The following ZNF594 variants were observed in gnomAD, a reference collection of about 807,000 sequenced individuals.
The protein encoded by ZNF594 is zinc finger protein 594.
For synonymous variants in ZNF594, 336 were observed against 309.4 expected (o/e 1.09, Z -0.90); for missense variants, 1,037 against 964.6 (o/e 1.08, Z -0.99).
In ZNF594 at chr17:5,180,429, G is replaced by A. The variant is rs1173601649; in HGVS notation, c.*1404C>T. 6.5e-6 allele frequency: 1 copy of A among 154,430 alleles called. No individual in the cohort carries two copies. Among genetic ancestry groups the A allele is most frequent in the Non-Finnish European group, 1.4e-5 (1 of 69,720 alleles). The allele number at this position is 154,430 out of a possible 1,614,324, so 9.6% of individuals were successfully genotyped here. The stretch of plus-strand genomic sequence containing the variant: ...TTTAAACTTGTCACTCGACTAGGAA[G>A]TCAAGATTGAAATGGCTCTTTCCAT... On this transcript the variant is annotated 3_prime_UTR_variant, in exon 2 of 2. Transcript: ENST00000575779.
chr17:5,182,999 G>A lies in ZNF594; in HGVS notation c.1258C>T (p.Leu420=), dbSNP rs1381161862. Residue 420 remains leucine (L), a synonymous_variant, in exon 2 of 2, where the codon CTG becomes TTG. Transcript: ENST00000575779. ...CCACTGTGAATTCTATGATGTCTCA[G>A]AAGGTCTGAGCTCTGATTGAAAGTT... is the stretch of plus-strand genomic sequence containing the variant. The part of the protein sequence containing the change: ...GKTFNQSSDL[L]RHHRIHSGEK... The A allele has an allele frequency of 1.9e-6, 3 of 1,614,024 alleles. No homozygotes were observed. Among genetic ancestry groups the A allele is most frequent in the Non-Finnish European group, 1.7e-6 (2 of 1,180,004 alleles).
rs770856517 is a variant in ZNF594 at position 5,182,586 on chromosome 17, T to C, written c.1671A>G (p.Gly557=). 6 of 1,613,336 alleles carry C rather than the reference T, an allele frequency of 3.7e-6. No homozygotes were observed. The highest frequency in any genetic ancestry group is 5.1e-6 in the Non-Finnish European group (6 of 1,179,662). Residue 557 remains glycine, a synonymous_variant, in exon 2 of 2, where the codon GGA becomes GGG. Transcript: ENST00000575779. ...KTFSQDEELR[G]EQKIHQEAKA... The stretch of plus-strand genomic sequence containing the variant: ...TCGCTTCCTGGTGAATTTTCTGCTC[T>C]CCCCTAAGCTCCTCATCCTGGCTGA...
rs2074357497 is a variant in ZNF594 at position 5,182,997 on chromosome 17, CAGA to C, written c.1257_1259del (p.Leu420del). On this transcript the variant is annotated inframe_deletion, in exon 2 of 2. Transcript: ENST00000575779. ...CTCCACTGTGAATTCTATGATGTCT[CAGA>C]AGGTCTGAGCTCTGATTGAAAGTTT... 1 of 1,614,082 alleles carries C rather than the reference CAGA, an allele frequency of 6.2e-7. No individual in the cohort carries two copies.
Position 5,182,476 on chromosome 17 carries a change from T to A in ZNF594, c.1781A>T (p.Lys594Ile). 1.2e-6 allele frequency: 2 copies of A among 1,613,982 alleles called. No individual in the cohort carries two copies. The highest frequency in any genetic ancestry group is 2.2e-5 in the South Asian group (2 of 91,068). Residue 594 changes from lysine (K) to isoleucine (I), a missense_variant, in exon 2 of 2, where the codon AAA (lysine) becomes ATA (isoleucine). Coordinates refer to ENST00000575779, the MANE Select transcript of ZNF594 (RefSeq NM_032530.2). The stretch of plus-strand genomic sequence containing the variant: ...CCCACATTCTTTGCATTCATATGGT[T>A]TCTCTCTTGTATGAGTTACCTGATG... ...IRHQVTHTRE[K>I]PYECKECGKT...
chr17:5,186,419 T>C (rs1217357925), intron 1 of ZNF594, among the ~76,000 whole-genome samples: 1 of 152,220 alleles, frequency 6.6e-6, no homozygotes, highest in African/African-American at 2.4e-5. Flanking sequence ...GGACACAGCA[T>C]TGGGACCCTG....
At chr17:5,176,308 T>C (rs146496297), downstream of ZNF594, among the ~76,000 whole-genome samples, 1,103 of 149,684 alleles carry the variant, frequency 7.4e-3, 18 homozygotes, top group African/African-American at 0.025. Flanking sequence ...AGCAGGAGAA[T>C]TGCTTGAACC....
chr17:5,184,439 T>C, intron 1 of ZNF594, 163 bp from the exon 2 acceptor site: 1 of 730,096 alleles, frequency 1.4e-6, no homozygotes, highest in South Asian at 2.0e-5. Flanking sequence ...CACAGGAACC[T>C]GTGCTACCAC....
intron 1 of ZNF594, among the ~76,000 whole-genome samples, chr17:5,187,289 A>C (rs1442005791): frequency 6.6e-6 from 1 of 152,266 alleles, no homozygotes; most frequent in Non-Finnish European, 1.5e-5. Context: ...TAAAACCATC[A>C]GATCTCATGA....
chr17:5,174,124 CTTTT>C, the ZNF594 span: 2 of 200,184 alleles, frequency 1.0e-5, no homozygotes, highest in African/African-American at 4.6e-5. Flanking sequence ...TGATATTTGT[CTTTT>C]TTTAAATTTT....
At position 5,182,779 on chromosome 17, in the gene ZNF594, CA is replaced by C; in HGVS notation, c.1477del (p.Cys493ValfsTer96). ...TGAACGCCGCCTGAAGGCTTTCCCACATTCAGTGCACTGATAGGGCTTCTCT... is the reference window on the plus strand; with the variant it reads ...TGAACGCCGCCTGAAGGCTTTCCCACTTCAGTGCACTGATAGGGCTTCTCT... ...TGEKPYQCTE[C>X]GKAFRRRSLL... is the part of the protein sequence containing the mutation. On this transcript the variant is annotated frameshift_variant, in exon 2 of 2. Coordinates refer to ENST00000575779, the MANE Select transcript of ZNF594 (RefSeq NM_032530.2). LOFTEE classifies it low-confidence loss of function (END_TRUNC). 1 of 1,614,150 alleles carries C rather than the reference CA, an allele frequency of 6.2e-7. No individual in the cohort carries two copies. The highest frequency in any genetic ancestry group is 8.5e-7 in the Non-Finnish European group (1 of 1,180,014).
At position 5,188,267 on chromosome 17, in the gene ZNF594, C is replaced by CTT. The variant is rs71151844; in HGVS notation, c.-21+3479_-21+3480dup. Among the ~76,000 whole-genome samples, 104 of 134,748 alleles carry CTT rather than the reference C, an allele frequency of 7.7e-4. 1 individual carries two copies. The South Asian group carries it at 0.013, about 16-fold the overall frequency. The allele number at this position is 134,748 out of a possible 152,430, so 88.4% of individuals were successfully genotyped here. The stretch of plus-strand genomic sequence containing the variant: ...AAAAGATAGTAGATTAAAGGCTGCC[C>CTT]TTTTTTTTTTTTTTTCACAAAAAAC... On this transcript the variant is annotated intron_variant, in intron 1 of 1. Coordinates refer to ENST00000575779, the MANE Select transcript of ZNF594 (RefSeq NM_032530.2).
downstream of ZNF594, among the ~76,000 whole-genome samples, chr17:5,178,242 G>A (rs1359503092): frequency 1.3e-5 from 2 of 151,470 alleles, no homozygotes; most frequent in African/African-American, 4.8e-5. Context: ...TACCAAGTGG[G>A]ATATACTAAA....
chr17:5,181,176 T>C lies in ZNF594; in HGVS notation c.*657A>G, dbSNP rs754389514. The C allele has an allele frequency of 1.2e-6, 2 of 1,610,310 alleles. No individual in the cohort carries two copies. Among genetic ancestry groups the C allele is most frequent in the South Asian group, 2.2e-5 (2 of 91,020 alleles). On this transcript the variant is annotated 3_prime_UTR_variant, in exon 2 of 2. Transcript: ENST00000575779. ...TTTCTCTCCAGTATGAACACGATGG[T>C]GTCTAATAAGATCTGAGCTGCCCCT...
At position 5,181,097 on chromosome 17, in the gene ZNF594, G is replaced by A. The variant is rs749966438; in HGVS notation, c.*736C>T. The A allele has an allele frequency of 6.8e-7, 1 of 1,471,252 alleles. No homozygotes were observed. Among genetic ancestry groups the A allele is most frequent in the African/African-American group, 1.4e-5 (1 of 72,272 alleles). The allele number at this position is 1,471,252 out of a possible 1,614,324, so 91.1% of individuals were successfully genotyped here. ...CTCTGGTATGAATTCTTTGATGACTGACAAGGTGTGAGTTCTGACTGAAGG... is the reference window on the plus strand; with the variant it reads ...CTCTGGTATGAATTCTTTGATGACTAACAAGGTGTGAGTTCTGACTGAAGG... On this transcript the variant is annotated 3_prime_UTR_variant, in exon 2 of 2. Transcript: ENST00000575779.
At position 5,180,516 on chromosome 17, in the gene ZNF594, A is replaced by G. The variant is rs1483667101; in HGVS notation, c.*1317T>C. On this transcript the variant is annotated 3_prime_UTR_variant, in exon 2 of 2. Transcript: ENST00000575779. ...TATAATGATTTTAATAATGATAGAC[A>G]TCCCTTAAAACATTCTCAAGTAATT... The G allele has an allele frequency of 6.5e-6, 1 of 154,974 alleles. No homozygotes were observed. Among genetic ancestry groups the G allele is most frequent in the Non-Finnish European group, 1.4e-5 (1 of 69,964 alleles). 9.6% of individuals were successfully genotyped at this position (154,974 alleles called of 1,614,324 possible).
intron 1 of ZNF594, among the ~76,000 whole-genome samples, chr17:5,186,964 C>T (rs1036200790): frequency 5.9e-5 from 9 of 152,204 alleles, no homozygotes; most frequent in Non-Finnish European, 1.3e-4. Context: ...CTAGAAGTTC[C>T]AAACTTTCCC....
downstream of ZNF594, among the ~76,000 whole-genome samples, chr17:5,176,211 T>C (rs1007816848): frequency 4.0e-5 from 6 of 151,874 alleles, no homozygotes; most frequent in African/African-American, 1.2e-4. Flanking sequence ...GCCTGACCAA[T>C]ATGGAGAAAC....
In ZNF594 at chr17:5,183,524, C is replaced by A; in HGVS notation, c.733G>T (p.Gly245Trp). The change falls in exon 2 of 2, where the codon GGG (glycine) becomes TGG (tryptophan). Residue 245 changes from glycine (G) to tryptophan (W), a missense_variant. Physicochemically the swap from Gly to Trp is radical, Grantham distance 184 (BLOSUM62 -2). Transcript: ENST00000575779. ...RGKPYLCNKC[G>W]KAFSQSTDLI... ...TCTGTGCTTTGACTGAAAGCCTTCC[C>A]ACATTTATTGCATAAATATGGCTTC... 6.2e-7 allele frequency: 1 copy of A among 1,614,122 alleles called. No homozygotes were observed. Among genetic ancestry groups the A allele is most frequent in the African/African-American group, 1.3e-5 (1 of 75,022 alleles).
chr17:5,185,877 TC>T (rs1312295896), intron 1 of ZNF594, among the ~76,000 whole-genome samples: 1 of 152,194 alleles, frequency 6.6e-6, no homozygotes, highest in Non-Finnish European at 1.5e-5. Context: ...AGGTCTCACA[TC>T]CAGGTCATGC....
Sources: gnomAD v4.1 joint callset for allele counts (sites outside exome capture counted in the v4.1 genomes callset) on GRCh38, gnomAD v4.1.1 for gene constraint, MANE v1.5 for transcripts, NCBI Gene and HGNC (gene_info 2026-07-23, HGNC 2026-07-21) for gene names.